Variants in LOC128462377 observed in about 807,000 individuals in gnomAD.
the LOC128462377 span, among the ~76,000 whole-genome samples, chr16:89,368,369 G>GT: frequency 2.4e-5 from 1 of 42,206 alleles, no homozygotes; most frequent in African/African-American, 7.5e-5. Context: ...GCTAATTTTT[G>GT]TGTTTTTTTT....
At chr16:89,388,760 A>C in the LOC128462377 span, among the ~76,000 whole-genome samples, 4 of 152,206 alleles carry the variant, frequency 2.6e-5, no homozygotes, top group African/African-American at 7.2e-5. Context: ...GAATGGTGCC[A>C]CTGCCCAGCC....
At chr16:89,402,824 G>A in the LOC128462377 span, among the ~76,000 whole-genome samples, 224 of 145,920 alleles carry the variant, frequency 1.5e-3, 1 homozygote, top group African/African-American at 5.5e-3. Context: ...AGGTTGGGGG[G>A]GCGGCACTGC....
chr16:89,338,875 C>T, the LOC128462377 span, among the ~76,000 whole-genome samples: 1 of 152,028 alleles, frequency 6.6e-6, no homozygotes, highest in Non-Finnish European at 1.5e-5. Context: ...CAAATGAATA[C>T]TTGGAGCAAA....
the LOC128462377 span, among the ~76,000 whole-genome samples, chr16:89,408,154 G>A: frequency 1.3e-5 from 2 of 152,274 alleles, no homozygotes; most frequent in Admixed American, 6.5e-5. Context: ...CATGGCCCCA[G>A]AAGGCTGCAC....
At chr16:89,329,177 CG>C in the LOC128462377 span, among the ~76,000 whole-genome samples, 1 of 152,162 alleles carries the variant, frequency 6.6e-6, no homozygotes, top group African/African-American at 2.4e-5. Context: ...GGGAAACAGG[CG>C]GGGACTCCGT....
At chr16:89,317,190 G>A in the LOC128462377 span, 2 of 821,464 alleles carry the variant, frequency 2.4e-6, no homozygotes, top group East Asian at 5.3e-5. Flanking sequence ...CAGCTGCTCT[G>A]ATCAGGGCTG....
At chr16:89,402,663 T>G in the LOC128462377 span, among the ~76,000 whole-genome samples, 1 of 64,486 alleles carries the variant, frequency 1.6e-5, no homozygotes, top group African/African-American at 6.3e-5. Context: ...CAGGGTGAGG[T>G]GAAGGGGGTG....
the LOC128462377 span, among the ~76,000 whole-genome samples, chr16:89,338,023 C>T: frequency 1.3e-5 from 2 of 152,282 alleles, no homozygotes; most frequent in African/African-American, 4.8e-5. Flanking sequence ...CAGCTGGTGC[C>T]AGTATCATGG....
chr16:89,356,385 T>C, the LOC128462377 span, among the ~76,000 whole-genome samples: 2 of 151,774 alleles, frequency 1.3e-5, no homozygotes, highest in Admixed American at 6.6e-5. Context: ...GCCTAGATGA[T>C]GACACCAGCT....
At chr16:89,336,022 G>A in the LOC128462377 span, among the ~76,000 whole-genome samples, 3 of 152,266 alleles carry the variant, frequency 2.0e-5, no homozygotes, top group African/African-American at 7.2e-5. Context: ...AAATAAAGAA[G>A]TGATGGCCAA....
At chr16:89,338,126 A>G in the LOC128462377 span, among the ~76,000 whole-genome samples, 1 of 152,144 alleles carries the variant, frequency 6.6e-6, no homozygotes, top group Non-Finnish European at 1.5e-5. Flanking sequence ...GCCGCCCGTC[A>G]GGCTCCCAGG....
chr16:89,352,299 C>G, the LOC128462377 span, among the ~76,000 whole-genome samples: 23 of 152,078 alleles, frequency 1.5e-4, no homozygotes, highest in East Asian at 3.3e-3. Context: ...GTATGCATCA[C>G]GCCACGCGGT....
At chr16:89,391,407 A>T in the LOC128462377 span, among the ~76,000 whole-genome samples, 1 of 152,102 alleles carries the variant, frequency 6.6e-6, no homozygotes, top group Non-Finnish European at 1.5e-5. Flanking sequence ...CTCCAGGTAG[A>T]CAGTGTCCAG....
chr16:89,338,928 C>A, the LOC128462377 span, among the ~76,000 whole-genome samples: 1 of 151,994 alleles, frequency 6.6e-6, no homozygotes, highest in Non-Finnish European at 1.5e-5. Flanking sequence ...GATATAAATG[C>A]GTAATTTAAA....
the LOC128462377 span, among the ~76,000 whole-genome samples, chr16:89,365,980 A>T: frequency 1.3e-5 from 2 of 151,872 alleles, no homozygotes; most frequent in African/African-American, 4.8e-5. Context: ...CTGTCCCTGC[A>T]TTGGTTTGTT....
chr16:89,373,545 A>T, the LOC128462377 span: 1 of 152,272 alleles, frequency 6.6e-6, no homozygotes, highest in South Asian at 2.1e-4. Context: ...GGGAGGCTAA[A>T]TATGGCTCAT....
At chr16:89,375,186 G>A in the LOC128462377 span, among the ~76,000 whole-genome samples, 873 of 152,148 alleles carry the variant, frequency 5.7e-3, 6 homozygotes, top group African/African-American at 0.02. Context: ...CTGTGCTACC[G>A]CGGTGAGCTC....
chr16:89,391,634 CAG>C, the LOC128462377 span, among the ~76,000 whole-genome samples: 3 of 152,218 alleles, frequency 2.0e-5, no homozygotes, highest in Non-Finnish European at 4.4e-5. Context: ...GCTACACAGA[CAG>C]ATACACAAAA....
At chr16:89,329,001 G>A in the LOC128462377 span, 3 of 142,070 alleles carry the variant, frequency 2.1e-5, no homozygotes, top group Non-Finnish European at 3.0e-5. Context: ...ATACCCAGGC[G>A]CACGGGCGAA....
Sources: gnomAD v4.1 joint callset for allele counts (sites outside exome capture counted in the v4.1 genomes callset) on GRCh38, gnomAD v4.1.1 for gene constraint, MANE v1.5 for transcripts.